The following IRF5 variants were observed in gnomAD, a reference collection of about 807,000 sequenced individuals.
The protein encoded by IRF5 is interferon regulatory factor 5.
A neutral mutation model predicts 55.1 loss-of-function variants in IRF5; 24 were observed. The observed-to-expected ratio is 0.44, with a 90% confidence interval of 0.32 to 0.61. The LOEUF (loss-of-function observed/expected upper bound fraction) is 0.61. IRF5 is among the 20% of genes least tolerant of loss of function. The pLI, the probability that IRF5 is intolerant of heterozygous loss-of-function variation, is 0.07. For synonymous variants in IRF5, 258 were observed against 260.2 expected (o/e 0.99, Z 0.08); for missense variants, 499 against 658.5 (o/e 0.76, Z 2.65).
At position 128,945,951 on chromosome 7, in the gene IRF5, G is replaced by A. The variant is rs766706257; in HGVS notation, c.302G>A (p.Arg101His). ...RCALNKSRDF[R>H]LIYDGPRDMP... Reference sequence around the variant, plus strand: ...GCCCTTAACAAGAGCCGGGACTTCCGCCTCATCTACGACGGGCCCCGGGAC... The same window carrying A: ...GCCCTTAACAAGAGCCGGGACTTCCACCTCATCTACGACGGGCCCCGGGAC... The change falls in exon 3 of 9, where the codon CGC becomes CAC. Residue 101 changes from arginine (R) to histidine (H), a missense_variant. Physicochemically the swap from Arg to His is conservative, Grantham distance 29. This residue lies in a region of IRF5 where 305 missense variants were observed against 340.2 expected (regional missense o/e 0.90). Transcript: ENST00000357234. The A allele has an allele frequency of 9.3e-6, 15 of 1,613,324 alleles. No individual in the cohort carries two copies. Among genetic ancestry groups the A allele is most frequent in the South Asian group, 3.3e-5 (3 of 91,052 alleles).
At position 128,938,567 on chromosome 7, in the gene IRF5, C is replaced by A. The variant is rs149688821; in HGVS notation, c.-12+518C>A. On this transcript the variant is annotated intron_variant, in intron 1 of 8. Coordinates refer to ENST00000357234, the MANE Select transcript of IRF5 (RefSeq NM_001098629.3). ...GAGGTTGAGGTTAAAGCGTTCATCCCCCGGGATCTTCAGGCCAATGGCAGG... is the reference window on the plus strand; with the variant it reads ...GAGGTTGAGGTTAAAGCGTTCATCCACCGGGATCTTCAGGCCAATGGCAGG... 2.2e-4 allele frequency among the ~76,000 whole-genome samples: 33 copies of A among 152,318 alleles called. 1 individual carries two copies. Among genetic ancestry groups the A allele is most frequent in the African/African-American group, 7.9e-4 (33 of 41,576 alleles).
chr7:128,946,925 A>G lies in IRF5; in HGVS notation c.448-98A>G, dbSNP rs2128964082. On this transcript the variant is annotated intron_variant, in intron 4 of 8. Transcript: ENST00000357234. This position sits in a 1 kb window ranked among gnomAD's most constrained non-coding sequence, Gnocchi z 4.2. Reference sequence around the variant, plus strand: ...ACTGAGGCTAGGGGAGTTGCCTCATAGTTCTCGCCTGTTATTTCCCCAGCC... The same window carrying G: ...ACTGAGGCTAGGGGAGTTGCCTCATGGTTCTCGCCTGTTATTTCCCCAGCC... 6.8e-7 allele frequency: 1 copy of G among 1,464,446 alleles called. No homozygotes were observed. The highest frequency in any genetic ancestry group is 1.1e-5 in the South Asian group (1 of 87,354). 90.7% of individuals were successfully genotyped at this position (1,464,446 alleles called of 1,614,324 possible).
chr7:128,945,749 C>T, intron 2 of IRF5, 96 bp from the exon 3 acceptor site: 1 of 1,242,468 alleles, frequency 8.0e-7, no homozygotes. Context: ...AGCCGAAGTT[C>T]TCCCCACACA....
chr7:128,946,445 C>T lies in IRF5; in HGVS notation c.386-56C>T. Reference sequence around the variant, plus strand: ...ACAGGCAGCCTCTCAGGGGATCTTGCTTCTCCTCCGACATTGACTCCTTTA... The same window carrying T: ...ACAGGCAGCCTCTCAGGGGATCTTGTTTCTCCTCCGACATTGACTCCTTTA... On this transcript the variant is annotated intron_variant, in intron 3 of 8. Coordinates refer to ENST00000357234, the MANE Select transcript of IRF5 (RefSeq NM_001098629.3). The surrounding 1 kb of genome is among the most constrained non-coding windows in gnomAD (Gnocchi z 4.2). The T allele has an allele frequency of 3.2e-6, 5 of 1,559,818 alleles. No individual in the cohort carries two copies. The highest frequency in any genetic ancestry group is 1.9e-5 in the Admixed American group (1 of 51,494).
rs944197431 is a variant in IRF5 at position 128,947,187 on chromosome 7, C to T, written c.482-43C>T. 3.1e-6 allele frequency: 5 copies of T among 1,598,800 alleles called. No homozygotes were observed. The highest frequency in any genetic ancestry group is 2.2e-5 in the East Asian group (1 of 44,734). ...GAGGAGGTGTGCCTGGGAGGCAGTTCGTGGAGGTGGCACTGACAGCCGTCC... is the reference window on the plus strand; with the variant it reads ...GAGGAGGTGTGCCTGGGAGGCAGTTTGTGGAGGTGGCACTGACAGCCGTCC... On this transcript the variant is annotated intron_variant, in intron 5 of 8. Transcript: ENST00000357234. This position sits in a 1 kb window ranked among gnomAD's most constrained non-coding sequence, Gnocchi z 6.5.
At chr7:128,945,823 C>G in intron 2 of IRF5, 22 bp from the exon 3 acceptor site, 1 of 1,594,960 alleles carries the variant, frequency 6.3e-7, no homozygotes, top group East Asian at 2.3e-5. Context: ...TCTCTGTGGT[C>G]GGCTATTTCT....
rs891701344 is a variant in IRF5 at position 128,937,975 on chromosome 7, C to T, written c.-86C>T. ...TTGGCGGACCGGCGGGAGGCGCAGC[C>T]TGGGCAGAGCTCAGCTTGGTCCCGC... On this transcript the variant is annotated 5_prime_UTR_variant, in exon 1 of 9. Transcript: ENST00000357234. 3.9e-5 allele frequency: 6 copies of T among 152,332 alleles called. No individual in the cohort carries two copies. The highest frequency in any genetic ancestry group is 4.4e-5 in the Non-Finnish European group (3 of 68,064). 9.4% of individuals were successfully genotyped at this position (152,332 alleles called of 1,614,324 possible). A position where few individuals can be genotyped will look rare whatever the true frequency, so the allele number is the denominator to read the frequency against.
At chr7:128,942,342 T>TAACGCACAC in intron 2 of IRF5, 66 bp downstream of exon 2, 1 of 1,439,466 alleles carries the variant, frequency 6.9e-7, no homozygotes, top group Non-Finnish European at 9.5e-7. Context: ...GGAGCGCACA[T>TAACGCACAC]AACGCACACA....
At position 128,942,705 on chromosome 7, in the gene IRF5, C is replaced by G. The variant is rs191762984; in HGVS notation, c.195+429C>G. On this transcript the variant is annotated intron_variant, in intron 2 of 8. Transcript: ENST00000357234. ...CCTTCCCATAACTCGTCCTACTCAC[C>G]CTTTGCTCGTCTCACTCCTATTACT... Among the ~76,000 whole-genome samples the G allele has an allele frequency of 2.0e-4, 31 of 152,250 alleles. No homozygotes were observed. In the East Asian group the frequency reaches 5.2e-3, roughly 26 times the overall value.
chr7:128,944,034 C>A (rs1796177751), intron 2 of IRF5, among the ~76,000 whole-genome samples: 1 of 152,156 alleles, frequency 6.6e-6, no homozygotes, highest in South Asian at 2.1e-4. Flanking sequence ...CTAGGATGTA[C>A]CTCGCATAAT....
chr7:128,950,024 T>C lies in IRF5; in HGVS notation c.*1206T>C, dbSNP rs1024825188. On this transcript the variant is annotated 3_prime_UTR_variant, in exon 9 of 9. Transcript: ENST00000357234. ...CAGAACTGTGAGCCAAATAAACCTT[T>C]TTCTGTATAAATTACCCAGCCTCGG... 1.3e-5 allele frequency: 2 copies of C among 152,180 alleles called. No individual in the cohort carries two copies. The highest frequency in any genetic ancestry group is 2.9e-5 in the Non-Finnish European group (2 of 68,044). 9.4% of individuals were successfully genotyped at this position (152,180 alleles called of 1,614,324 possible). A position where few individuals can be genotyped will look rare whatever the true frequency, so the allele number is the denominator to read the frequency against.
At position 128,947,470 on chromosome 7, in the gene IRF5, C is replaced by T. The variant is rs145868185; in HGVS notation, c.722C>T (p.Ala241Val). The change falls in exon 6 of 9, where the codon GCC becomes GTC. Residue 241 changes from alanine to valine, a missense_variant. Around this residue, in one of 2 missense-constraint regions of IRF5, gnomAD observed 305 missense variants for 340.2 expected, o/e 0.90. Coordinates refer to ENST00000357234, the MANE Select transcript of IRF5 (RefSeq NM_001098629.3). This position sits in a 1 kb window ranked among gnomAD's most constrained non-coding sequence, Gnocchi z 6.5. ...GTCCTGGAGCCTGGGCCCCTGCCTGCCAGCCTGCCCCCTGCAGGCGAACAG... is the reference window on the plus strand; with the variant it reads ...GTCCTGGAGCCTGGGCCCCTGCCTGTCAGCCTGCCCCCTGCAGGCGAACAG... ...SEVLEPGPLPASLPPAGEQLL... is the reference protein window; with the variant it reads ...SEVLEPGPLPVSLPPAGEQLL... 725 of 1,608,824 alleles carry T rather than the reference C, an allele frequency of 4.5e-4. No individual in the cohort carries two copies. The Middle Eastern group carries it at 0.01, about 23-fold the overall frequency.
At position 128,948,766 on chromosome 7, in the gene IRF5, G is replaced by T; in HGVS notation, c.1493G>T (p.Gly498Val). 1 of 1,611,178 alleles carries T rather than the reference G, an allele frequency of 6.2e-7. No homozygotes were observed. The change falls in exon 9 of 9, where the codon GGC becomes GTC. Residue 498 changes from glycine to valine, a missense_variant. Coordinates refer to ENST00000357234, the MANE Select transcript of IRF5 (RefSeq NM_001098629.3). This position sits in a 1 kb window ranked among gnomAD's most constrained non-coding sequence, Gnocchi z 4.6. Reference sequence around the variant, plus strand: ...GTGGCCCAGGCCCCTCCTGGAGCAGGCCTTGGTGTTGGCCAGGGGCCCTGG... The same window carrying T: ...GTGGCCCAGGCCCCTCCTGGAGCAGTCCTTGGTGTTGGCCAGGGGCCCTGG... ...QPVAQAPPGA[G>V]LGVGQGPWPM... is the part of the protein sequence containing the mutation.
intron 1 of IRF5, among the ~76,000 whole-genome samples, chr7:128,941,047 G>A (rs868522283): frequency 1.3e-5 from 2 of 152,232 alleles, no homozygotes; most frequent in Admixed American, 1.3e-4. Context: ...TCCACCCAGG[G>A]GTCTCAAGTG....
chr7:128,937,243 C>G (rs3757386), upstream of IRF5, among the ~76,000 whole-genome samples: 1,571 of 152,276 alleles, frequency 0.01, 12 homozygotes, highest in South Asian at 0.019. Context: ...AAGCGAAGAA[C>G]ATTCCATGAG....
chr7:128,945,737 G>A lies in IRF5; in HGVS notation c.196-108G>A, dbSNP rs191563700. On this transcript the variant is annotated intron_variant, in intron 2 of 8. Coordinates refer to ENST00000357234, the MANE Select transcript of IRF5 (RefSeq NM_001098629.3). ...TCTGGGGCTCAGCGAGGCTCAGCCTGTAGCCGAAGTTCTCCCCACACAGTA... is the reference window on the plus strand; with the variant it reads ...TCTGGGGCTCAGCGAGGCTCAGCCTATAGCCGAAGTTCTCCCCACACAGTA... The A allele has an allele frequency of 3.5e-4, 388 of 1,097,306 alleles. No homozygotes were observed. The African/African-American group carries it at 5.4e-3, about 15-fold the overall frequency. The allele number at this position is 1,097,306 out of a possible 1,614,324, so 68.0% of individuals were successfully genotyped here.
At chr7:128,939,726 C>T (rs556326337) in intron 1 of IRF5, among the ~76,000 whole-genome samples, 6 of 152,150 alleles carry the variant, frequency 3.9e-5, no homozygotes, top group Non-Finnish European at 8.8e-5. Context: ...GTGGGCTTAC[C>T]CCACCTCAGC....
Position 128,948,969 on chromosome 7 carries a change from A to C in IRF5, c.*151A>C. The C allele has an allele frequency of 1.1e-6, 1 of 918,508 alleles. No individual in the cohort carries two copies. The highest frequency in any genetic ancestry group is 1.6e-6 in the Non-Finnish European group (1 of 625,352). The allele number at this position is 918,508 out of a possible 1,614,324, so 56.9% of individuals were successfully genotyped here. A position where few individuals can be genotyped will look rare whatever the true frequency, so the allele number is the denominator to read the frequency against. On this transcript the variant is annotated 3_prime_UTR_variant, in exon 9 of 9. Transcript: ENST00000357234. The surrounding 1 kb of genome is among the most constrained non-coding windows in gnomAD (Gnocchi z 4.6). Reference sequence around the variant, plus strand: ...ATTTGGGCCAAGAAGGAGAGGGAGAAAGGCCCGAGCCCCTGCCTTCCCGGG... The same window carrying C: ...ATTTGGGCCAAGAAGGAGAGGGAGACAGGCCCGAGCCCCTGCCTTCCCGGG...
At chr7:128,945,647 T>C (rs748808025) in intron 2 of IRF5, among the ~76,000 whole-genome samples, 198 bp from the exon 3 acceptor site, 3 of 152,156 alleles carry the variant, frequency 2.0e-5, no homozygotes, top group East Asian at 1.9e-4. Context: ...CTAGATTTCA[T>C]GTAGCTTGCT....
Sources: allele counts gnomAD v4.1 joint callset (sites outside exome capture counted in the v4.1 genomes callset), GRCh38; gene constraint gnomAD v4.1.1; regional missense constraint gnomAD v4.1.1; non-coding constraint Gnocchi (gnomAD v3.1); transcripts MANE v1.5; gene names NCBI Gene and HGNC (gene_info 2026-07-23, HGNC 2026-07-21).